NCKAP5: variants seen among roughly 807,000 people sequenced by gnomAD.
NCKAP5 encodes nck-associated protein 5.
NCKAP5 carries 92 observed loss-of-function variants against 167.0 expected under a neutral mutation model. The observed-to-expected ratio is 0.55, with a 90% CI of 0.47 to 0.66. NCKAP5 has a LOEUF of 0.66. Among genes scored for constraint, NCKAP5 ranks in the 30% least tolerant of loss-of-function variants. The pLI is 0.00. For missense variants in NCKAP5, 2,378 were observed against 2,315.0 expected (o/e 1.03, Z -0.56); for synonymous variants, 891 against 877.4 (o/e 1.02, Z -0.27).
intron 4 of NCKAP5, among the ~76,000 whole-genome samples, chr2:133,247,545 G>A (rs1397056642): frequency 1.3e-5 from 2 of 152,054 alleles, no homozygotes; most frequent in Non-Finnish European, 2.9e-5. Flanking sequence ...GAAACCCAAG[G>A]TCTTACGCTA....
At chr2:133,175,723 T>C (rs550008427) in intron 5 of NCKAP5, among the ~76,000 whole-genome samples, 1 of 152,286 alleles carries the variant, frequency 6.6e-6, no homozygotes, top group South Asian at 2.1e-4. Flanking sequence ...TCTGCCTCTG[T>C]CTCTTACTCT....
In NCKAP5 at chr2:132,673,257, A is replaced by T. The variant is rs1271208531; in HGVS notation, c.*32T>A. On this transcript the variant is annotated 3_prime_UTR_variant, in exon 20 of 20. Transcript: ENST00000409261. The stretch of plus-strand genomic sequence containing the variant: ...TTGAATGACTCTAGGGAAATTTTCG[A>T]TAATCTATTCTCGGGATCGTCTTTT... The T allele has an allele frequency of 6.6e-7, 1 of 1,510,164 alleles. No homozygotes were observed. The highest frequency in any genetic ancestry group is 8.8e-7 in the Non-Finnish European group (1 of 1,132,558). The allele number at this position is 1,510,164 out of a possible 1,614,324, so 93.5% of individuals were successfully genotyped here. A position where few individuals can be genotyped will look rare whatever the true frequency, so the allele number is the denominator to read the frequency against.
chr2:133,062,393 G>T (rs976116005), intron 6 of NCKAP5, among the ~76,000 whole-genome samples: 1 of 152,232 alleles, frequency 6.6e-6, no homozygotes, highest in African/African-American at 2.4e-5. Context: ...GTATTATGCA[G>T]ATTTGGAGTA....
chr2:132,804,753 G>A (rs1439831377), intron 11 of NCKAP5, among the ~76,000 whole-genome samples: 2 of 152,114 alleles, frequency 1.3e-5, no homozygotes, highest in Admixed American at 1.3e-4. Flanking sequence ...TGTGGAAGAA[G>A]CTGTCATCTT....
intron 4 of NCKAP5, among the ~76,000 whole-genome samples, chr2:133,241,265 T>C (rs72985648): frequency 0.026 from 3,905 of 152,324 alleles, 154 homozygotes; most frequent in African/African-American, 0.084. Context: ...TTGGGTTTTA[T>C]TTCAGTCGGC....
chr2:133,194,611 G>A (rs1457724549), intron 5 of NCKAP5, among the ~76,000 whole-genome samples: 5 of 151,576 alleles, frequency 3.3e-5, no homozygotes, highest in South Asian at 2.1e-4. Context: ...ATCTATCCCC[G>A]TGTTTCCTAT....
At chr2:133,427,652 T>C (rs1689896997) in intron 3 of NCKAP5, among the ~76,000 whole-genome samples, 1 of 152,142 alleles carries the variant, frequency 6.6e-6, no homozygotes, top group African/African-American at 2.4e-5. Context: ...TGTTAGCAAA[T>C]TGTATTCAGC....
intron 6 of NCKAP5, among the ~76,000 whole-genome samples, chr2:133,067,112 G>T (rs543202787): frequency 2.0e-4 from 31 of 152,092 alleles, no homozygotes; most frequent in African/African-American, 7.5e-4. Context: ...TGATCCTCCC[G>T]CCTCAGCCTC....
At chr2:133,086,066 T>G (rs375384616) in intron 6 of NCKAP5, among the ~76,000 whole-genome samples, 3 of 152,284 alleles carry the variant, frequency 2.0e-5, no homozygotes, top group African/African-American at 7.2e-5. Context: ...CTGTGTGACT[T>G]TGGATCAATC....
At chr2:133,499,057 G>A (rs1390156180) in intron 3 of NCKAP5, among the ~76,000 whole-genome samples, 1 of 152,208 alleles carries the variant, frequency 6.6e-6, no homozygotes, top group Admixed American at 6.5e-5. Context: ...TTTGCATGGG[G>A]AGTAGGTGGC....
At chr2:133,158,369 A>C (rs990764459) in intron 5 of NCKAP5, among the ~76,000 whole-genome samples, 1 of 152,186 alleles carries the variant, frequency 6.6e-6, no homozygotes, top group Non-Finnish European at 1.5e-5. Context: ...ATTTTCTTCC[A>C]TTTATTTTTA....
chr2:132,758,361 C>G (rs1680727618), intron 16 of NCKAP5, among the ~76,000 whole-genome samples: 1 of 152,152 alleles, frequency 6.6e-6, no homozygotes, highest in African/African-American at 2.4e-5. Flanking sequence ...ATCTACAAGT[C>G]ATTTGTTGCC....
intron 5 of NCKAP5, among the ~76,000 whole-genome samples, chr2:133,188,263 G>A (rs2085042420): frequency 6.6e-6 from 1 of 151,962 alleles, no homozygotes; most frequent in Non-Finnish European, 1.5e-5. Context: ...TCCAATACAA[G>A]AGCACCCAGA....
chr2:132,792,990 T>C (rs1407958854), intron 12 of NCKAP5, among the ~76,000 whole-genome samples: 2 of 152,094 alleles, frequency 1.3e-5, no homozygotes, highest in Admixed American at 6.6e-5. Flanking sequence ...GAACTTGAGA[T>C]GCTCTGTTTT....
At chr2:132,923,453 C>T (rs938781096) in intron 8 of NCKAP5, among the ~76,000 whole-genome samples, 73 of 152,298 alleles carry the variant, frequency 4.8e-4, no homozygotes, top group African/African-American at 1.6e-3. Context: ...GGGCAAATCA[C>T]CAGCTTAACA....
chr2:132,792,987 A>G (rs1684192475), intron 12 of NCKAP5, among the ~76,000 whole-genome samples: 1 of 151,954 alleles, frequency 6.6e-6, no homozygotes, highest in South Asian at 2.1e-4. Flanking sequence ...CTTGAACTTG[A>G]GATGCTCTGT....
chr2:133,569,142 T>C (rs1688756489), upstream of NCKAP5, among the ~76,000 whole-genome samples: 1 of 149,136 alleles, frequency 6.7e-6, no homozygotes, highest in South Asian at 2.2e-4. Context: ...CAAGTCTTTC[T>C]AATAATCTCA....
At chr2:133,189,804 C>G (rs572466604) in intron 5 of NCKAP5, among the ~76,000 whole-genome samples, 4 of 152,124 alleles carry the variant, frequency 2.6e-5, no homozygotes, top group Admixed American at 6.6e-5. Flanking sequence ...ATGACAAACC[C>G]ACAGCCAATA....
rs969958434 is a variant in NCKAP5 at position 132,963,842 on chromosome 2, G to A, written c.457C>T (p.His153Tyr). The A allele has an allele frequency of 1.9e-6, 3 of 1,613,572 alleles. No individual in the cohort carries two copies. The highest frequency in any genetic ancestry group is 2.7e-5 in the African/African-American group (2 of 74,866). Residue 153 changes from histidine (H) to tyrosine (Y), a missense_variant, in exon 8 of 20, where the codon CAT (histidine) becomes TAT (tyrosine). By Grantham distance (83) the His-to-Tyr change is moderately conservative (BLOSUM62 2). Transcript: ENST00000409261. ...QEKLSEEERK[H>Y]KEALEDLHMV... ...TGAAGATCTTCCAAAGCTTCCTTAT[G>A]TTTTCTCTCTTCCTCTGACAGCTTT...
Sources: gnomAD v4.1 joint callset for allele counts (sites outside exome capture counted in the v4.1 genomes callset) on GRCh38, gnomAD v4.1.1 for gene constraint, MANE v1.5 for transcripts, NCBI Gene and HGNC (gene_info 2026-07-23, HGNC 2026-07-21) for gene names.